Variants in CFAP20DC observed in about 807,000 individuals in gnomAD.
CFAP20DC encodes protein CFAP20DC.
CFAP20DC carries 84 observed loss-of-function variants against 101.7 expected under a neutral mutation model. That is an observed-to-expected ratio of 0.83 (90% CI 0.69 to 0.99). The LOEUF is 0.99. Ranked by LOEUF, CFAP20DC falls within the 50% of genes least tolerant of loss-of-function variation. The pLI, the probability that CFAP20DC is intolerant of heterozygous loss-of-function variation, is 0.00. For missense variants in CFAP20DC, 1,007 were observed against 970.3 expected (o/e 1.04, Z -0.50); for synonymous variants, 359 against 351.2 (o/e 1.02, Z -0.25).
rs577301141 is a variant in CFAP20DC at position 58,724,766 on chromosome 3, C to G, written c.198-7138G>C. 3.3e-5 allele frequency among the ~76,000 whole-genome samples: 5 copies of G among 152,128 alleles called. No individual in the cohort carries two copies. Among genetic ancestry groups the G allele is most frequent in the Non-Finnish European group, 7.4e-5 (5 of 68,022 alleles). ...CCACCTTTATGAACTCTTAACCTGT[C>G]TCTTCTCAATCCTTTGTCGCCACCG... On this transcript the variant is annotated intron_variant, in intron 3 of 3. Coordinates refer to the CFAP20DC transcript ENST00000486145. This position sits in a 1 kb window ranked among gnomAD's most constrained non-coding sequence, Gnocchi z 5.6.
intron 3 of CFAP20DC, among the ~76,000 whole-genome samples, chr3:58,723,482 A>G (rs1405859261): frequency 6.6e-6 from 1 of 152,198 alleles, no homozygotes; most frequent in Non-Finnish European, 1.5e-5. Context: ...TTACAAGAAC[A>G]TTTTCTTCCT....
rs374922053 is a variant in CFAP20DC, at chr3:58,855,243, C to T, written c.1594-5834G>A. On this transcript the variant is annotated intron_variant, in intron 12 of 16. Transcript: ENST00000482387. ...CAAAAAACACATGAAAAAATGCTCA[C>T]CATCACTGGCCATCAGAGAAATGCA... Among the ~76,000 whole-genome samples the T allele has an allele frequency of 5.3e-5, 8 of 152,238 alleles. No individual in the cohort carries two copies. The East Asian group carries it at 1.2e-3, about 22-fold the overall frequency.
intron 15 of CFAP20DC, among the ~76,000 whole-genome samples, chr3:58,791,368 C>T (rs951674266): frequency 1.3e-5 from 2 of 152,008 alleles, no homozygotes; most frequent in Non-Finnish European, 2.9e-5. Context: ...AATACAATTC[C>T]TATTTTTAGA....
rs752399523 is a variant in CFAP20DC, at chr3:58,866,704, T to C, written c.1136-16A>G. The C allele has an allele frequency of 2.0e-6, 3 of 1,486,480 alleles. No homozygotes were observed. The highest frequency in any genetic ancestry group is 3.6e-5 in the Admixed American group (2 of 55,854). The allele number at this position is 1,486,480 out of a possible 1,614,324, so 92.1% of individuals were successfully genotyped here. ...GAAGAGCTACCTTTATTGAGATAAA[T>C]ATTTTCCCTCTATTACTTCTTTTGA... On this transcript the variant is annotated splice_polypyrimidine_tract_variant and intron_variant, in intron 10 of 16. Transcript: ENST00000482387.
intron 16 of CFAP20DC, among the ~76,000 whole-genome samples, chr3:58,743,954 G>T (rs1309225496): frequency 6.6e-6 from 1 of 152,190 alleles, no homozygotes; most frequent in African/African-American, 2.4e-5. Flanking sequence ...TGAGTTAGGT[G>T]TTCAGGACAT....
chr3:58,903,886 A>G (rs2083370418), intron 6 of CFAP20DC, among the ~76,000 whole-genome samples: 1 of 152,152 alleles, frequency 6.6e-6, no homozygotes, highest in Non-Finnish European at 1.5e-5. Flanking sequence ...CCAAAGCCAA[A>G]TTGTTTTGGT....
chr3:58,804,925 C>T (rs998166705), intron 15 of CFAP20DC, among the ~76,000 whole-genome samples: 5 of 152,110 alleles, frequency 3.3e-5, no homozygotes, highest in African/African-American at 4.8e-5. Context: ...GTAACATGAA[C>T]AAATAACCAG....
intron 4 of CFAP20DC, among the ~76,000 whole-genome samples, chr3:58,968,546 C>T (rs114190118): frequency 0.02 from 2,988 of 152,022 alleles, 108 homozygotes; most frequent in African/African-American, 0.066. Flanking sequence ...TTTGCCCACA[C>T]TTTAATGGGG....
chr3:58,757,180 CA>C (rs1318118941), intron 15 of CFAP20DC, among the ~76,000 whole-genome samples: 1 of 151,794 alleles, frequency 6.6e-6, no homozygotes, highest in Non-Finnish European at 1.5e-5. Flanking sequence ...TTCTCACCAG[CA>C]ATGTATGAGA....
rs376045443 is a variant in CFAP20DC, at chr3:59,001,138, G to A, written c.278+38419C>T. ...TCAAAGAGCTGAAGCCTGCCAAAGG[G>A]AAAGAGAAAGAAAGGAAAGAGACCT... On this transcript the variant is annotated intron_variant, in intron 4 of 16. Transcript: ENST00000482387. The surrounding 1 kb of genome is among the most constrained non-coding windows in gnomAD (Gnocchi z 4.5). Among the ~76,000 whole-genome samples the A allele has an allele frequency of 2.4e-4, 37 of 152,230 alleles. No homozygotes were observed. The East Asian group carries it at 5.0e-3, about 21-fold the overall frequency.
At chr3:58,885,464 T>C (rs1276171401) in intron 6 of CFAP20DC, among the ~76,000 whole-genome samples, 1 of 152,070 alleles carries the variant, frequency 6.6e-6, no homozygotes, top group East Asian at 1.9e-4. Flanking sequence ...CAAACATTTA[T>C]CATTCCTTTT....
At chr3:58,949,792 T>C (rs2089872047) in intron 4 of CFAP20DC, among the ~76,000 whole-genome samples, 1 of 152,214 alleles carries the variant, frequency 6.6e-6, no homozygotes, top group Non-Finnish European at 1.5e-5. Flanking sequence ...GAGCTATCTA[T>C]GACAAACCCA....
chr3:58,803,277 G>A (rs1482844575), intron 15 of CFAP20DC, among the ~76,000 whole-genome samples: 1 of 152,088 alleles, frequency 6.6e-6, no homozygotes, highest in Non-Finnish European at 1.5e-5. Flanking sequence ...CTTCATTCAG[G>A]AAACCAAGAG....
intron 5 of CFAP20DC, among the ~76,000 whole-genome samples, chr3:58,933,224 A>G (rs866663646): frequency 4.6e-5 from 7 of 152,162 alleles, no homozygotes; most frequent in South Asian, 2.1e-4. Flanking sequence ...ACAGCTAACT[A>G]TCCTAAATAT....
Position 58,864,504 on chromosome 3 carries a change from C to A in CFAP20DC, c.1259-612G>T, listed in dbSNP as rs2079516639. On this transcript the variant is annotated intron_variant, in intron 11 of 16. Coordinates refer to ENST00000482387, the MANE Select transcript of CFAP20DC (RefSeq NM_001394063.1). This position sits in a 1 kb window ranked among gnomAD's most constrained non-coding sequence, Gnocchi z 4.7. ...CACCTGTCTTGCAGCAAGTTCTTTA[C>A]AGGACAACCTTATTAATTTGACATT... Among the ~76,000 whole-genome samples the A allele has an allele frequency of 6.6e-6, 1 of 152,190 alleles. No individual in the cohort carries two copies. The highest frequency in any genetic ancestry group is 1.5e-5 in the Non-Finnish European group (1 of 68,032).
In CFAP20DC at chr3:58,913,429, G is replaced by C. The variant is rs1447724687; in HGVS notation, c.550+279C>G. The C allele has an allele frequency of 5.4e-5, 31 of 576,528 alleles. No individual in the cohort carries two copies. The highest frequency in any genetic ancestry group is 9.7e-5 in the Admixed American group (3 of 31,086). The allele number at this position is 576,528 out of a possible 1,614,324, so 35.7% of individuals were successfully genotyped here. A position where few individuals can be genotyped will look rare whatever the true frequency, so the allele number is the denominator to read the frequency against. ...TTTTCAACCACCTAAAGAGGATTAT[G>C]TTGTTTGTAACTAAGGAGCCTAAGA... On this transcript the variant is annotated intron_variant, in intron 6 of 16. Transcript: ENST00000482387. The surrounding 1 kb of genome is among the most constrained non-coding windows in gnomAD (Gnocchi z 4.4).
At chr3:58,753,638 C>T (rs2068723011) in intron 16 of CFAP20DC, 131 bp downstream of exon 16, 2 of 659,914 alleles carry the variant, frequency 3.0e-6, no homozygotes, top group African/African-American at 1.9e-5. Context: ...GCTCAGGTTA[C>T]CTCATTTAGG....
chr3:58,822,827 G>C (rs548192660), intron 14 of CFAP20DC, among the ~76,000 whole-genome samples: 2 of 152,054 alleles, frequency 1.3e-5, no homozygotes, highest in African/African-American at 4.8e-5. Flanking sequence ...ACCTTCTCCT[G>C]TTCTCCCCTG....
chr3:59,029,842 A>G (rs1286475375), intron 4 of CFAP20DC, among the ~76,000 whole-genome samples: 2 of 152,136 alleles, frequency 1.3e-5, no homozygotes, highest in African/African-American at 2.4e-5. Flanking sequence ...GAAGTATACA[A>G]ATTCGAGGTA....
Sources: allele counts gnomAD v4.1 joint callset (sites outside exome capture counted in the v4.1 genomes callset), GRCh38; gene constraint gnomAD v4.1.1; non-coding constraint Gnocchi (gnomAD v3.1); transcripts MANE v1.5; gene names NCBI Gene and HGNC (gene_info 2026-07-23, HGNC 2026-07-21).